Variants in TTLL11 observed in about 807,000 individuals in gnomAD.
The protein encoded by TTLL11 is tubulin tyrosine ligase like 11, also known as tubulin polyglutamylase TTLL11.
A neutral mutation model predicts 51.7 loss-of-function variants in TTLL11; 42 were observed. The ratio of observed to expected loss-of-function variants is 0.81; its 90% confidence interval spans 0.64 to 1.05. The LOEUF is 1.05. TTLL11 is among the 50% of genes least tolerant of loss of function. TTLL11 has a pLI of 0.00. For missense variants in TTLL11, 799 were observed against 940.4 expected (o/e 0.85, Z 1.97); for synonymous variants, 381 against 383.5 (o/e 0.99, Z 0.08).
intron 6 of TTLL11, among the ~76,000 whole-genome samples, chr9:121,968,029 T>C (rs1842454243): frequency 6.6e-6 from 1 of 152,182 alleles, no homozygotes; most frequent in Non-Finnish European, 1.5e-5. Flanking sequence ...GGTTTCCTTT[T>C]GGAGTGGCAA....
intron 1 of TTLL11, among the ~76,000 whole-genome samples, chr9:122,068,556 G>A (rs1845651616): frequency 2.0e-5 from 3 of 152,138 alleles, no homozygotes; most frequent in East Asian, 1.9e-4. Context: ...CTAAGGTGGG[G>A]GTTATTATAC....
intron 6 of TTLL11, among the ~76,000 whole-genome samples, chr9:121,965,572 A>G (rs1049869128): frequency 1.3e-5 from 2 of 152,206 alleles, no homozygotes; most frequent in African/African-American, 4.8e-5. Context: ...GAGCCAAACC[A>G]TATCACCTCA....
At chr9:121,967,656 C>T (rs375199852) in intron 6 of TTLL11, among the ~76,000 whole-genome samples, 198 of 152,306 alleles carry the variant, frequency 1.3e-3, no homozygotes, top group African/African-American at 4.6e-3. Context: ...GATCCCCTCG[C>T]TTCAAAGGAA....
At chr9:121,856,350 G>A (rs764372188) in intron 8 of TTLL11, among the ~76,000 whole-genome samples, 1 of 152,182 alleles carries the variant, frequency 6.6e-6, no homozygotes, top group Non-Finnish European at 1.5e-5. Context: ...TGGGATTACA[G>A]GCATGAGCCA....
intron 8 of TTLL11, among the ~76,000 whole-genome samples, chr9:121,832,381 G>A (rs1402069079): frequency 6.6e-6 from 1 of 152,168 alleles, no homozygotes; most frequent in Non-Finnish European, 1.5e-5. Flanking sequence ...GGAGTTGAAA[G>A]GATCTCTTTG....
rs769372276 is a variant in TTLL11 at position 122,031,864 on chromosome 9, G to T, written c.560-8C>A. On this transcript the variant is annotated splice_region_variant and splice_polypyrimidine_tract_variant and intron_variant, in intron 2 of 8. Transcript: ENST00000321582. Reference sequence around the variant, plus strand: ...GCACCATCTCCGTCATGCCTGGGGAGAAGAGACGCTGTGAGGTTTTAACAA... The same window carrying T: ...GCACCATCTCCGTCATGCCTGGGGATAAGAGACGCTGTGAGGTTTTAACAA... 1 of 1,611,330 alleles carries T rather than the reference G, an allele frequency of 6.2e-7. No individual in the cohort carries two copies. The highest frequency in any genetic ancestry group is 8.5e-7 in the Non-Finnish European group (1 of 1,178,192).
chr9:121,928,618 T>C (rs971461911), intron 6 of TTLL11, among the ~76,000 whole-genome samples: 1 of 152,014 alleles, frequency 6.6e-6, no homozygotes, highest in African/African-American at 2.4e-5. Flanking sequence ...TTTTTTGTAT[T>C]TTAGTAGAGA....
intron 3 of TTLL11, among the ~76,000 whole-genome samples, chr9:121,992,523 T>C (rs1843145449): frequency 1.3e-5 from 2 of 152,214 alleles, no homozygotes; most frequent in African/African-American, 4.8e-5. Flanking sequence ...GAGCACTCTG[T>C]CTGAGAATCA....
In TTLL11 at chr9:121,899,459, A is replaced by C. The variant is rs1470888007; in HGVS notation, c.1482-28711T>G. Among the ~76,000 whole-genome samples, 14 of 150,910 alleles carry C rather than the reference A, an allele frequency of 9.3e-5. No homozygotes were observed. The Admixed American group carries it at 9.3e-4, about 10-fold the overall frequency. On this transcript the variant is annotated intron_variant, in intron 6 of 8. Coordinates refer to ENST00000321582, the MANE Select transcript of TTLL11 (RefSeq NM_001139442.2). ...CAGTCTTTCACCCAAGCTGGAGTGC[A>C]GTGGCACAATTAAAGCTCACTGCGG...
At chr9:121,997,589 G>A (rs1564348734) in intron 3 of TTLL11, among the ~76,000 whole-genome samples, 2 of 152,176 alleles carry the variant, frequency 1.3e-5, no homozygotes, top group Non-Finnish European at 2.9e-5. Flanking sequence ...CGTGGGCTTC[G>A]GAGTCAGGCA....
intron 6 of TTLL11, among the ~76,000 whole-genome samples, chr9:121,936,941 C>T (rs1841252151): frequency 6.6e-6 from 1 of 152,194 alleles, no homozygotes; most frequent in African/African-American, 2.4e-5. Flanking sequence ...ACATGCTAGG[C>T]TGTTTCTCCA....
chr9:121,961,369 T>A (rs1462482760), intron 6 of TTLL11, among the ~76,000 whole-genome samples: 1 of 152,158 alleles, frequency 6.6e-6, no homozygotes, highest in African/African-American at 2.4e-5. Flanking sequence ...ATTAAGAACT[T>A]CTCACTGCTT....
chr9:121,913,623 C>G (rs1258938433), intron 6 of TTLL11, among the ~76,000 whole-genome samples: 2 of 152,218 alleles, frequency 1.3e-5, no homozygotes, highest in African/African-American at 4.8e-5. Context: ...GGCTCAACAT[C>G]TGTCTAGGAC....
chr9:121,948,459 C>G (rs1841745090), intron 6 of TTLL11, among the ~76,000 whole-genome samples: 1 of 152,196 alleles, frequency 6.6e-6, no homozygotes, highest in Non-Finnish European at 1.5e-5. Flanking sequence ...AGCTACTGTT[C>G]ATCAAGTAAT....
At chr9:121,861,324 G>A (rs912452552) in intron 7 of TTLL11, among the ~76,000 whole-genome samples, 6 of 152,128 alleles carry the variant, frequency 3.9e-5, no homozygotes, top group Non-Finnish European at 7.4e-5. Context: ...TGATCCGCCC[G>A]CCTCGGCCTC....
rs1212880428 is a variant in TTLL11 at position 121,844,840 on chromosome 9, T to A, written c.1840+15497A>T. Among the ~76,000 whole-genome samples, 4 of 136,066 alleles carry A rather than the reference T, an allele frequency of 2.9e-5. No homozygotes were observed. In the East Asian group the frequency reaches 8.9e-4, roughly 30 times the overall value. 89.3% of individuals were successfully genotyped at this position (136,066 alleles called of 152,430 possible). On this transcript the variant is annotated intron_variant, in intron 8 of 8. Coordinates refer to ENST00000321582, the MANE Select transcript of TTLL11 (RefSeq NM_001139442.2). ...GAAACAATGAATTAAAGAAAAAAAA[T>A]ACTGAAAAAAAGGAGACTATCCAGG... is the stretch of plus-strand genomic sequence containing the variant.
At chr9:121,957,800 A>G (rs934949123) in intron 6 of TTLL11, among the ~76,000 whole-genome samples, 4 of 152,182 alleles carry the variant, frequency 2.6e-5, no homozygotes, top group African/African-American at 9.6e-5. Context: ...GGCCAGGAAC[A>G]GCCAGTTGGG....
intron 8 of TTLL11, among the ~76,000 whole-genome samples, chr9:121,848,602 C>A (rs1045488766): frequency 6.6e-6 from 1 of 152,024 alleles, no homozygotes; most frequent in Non-Finnish European, 1.5e-5. Context: ...AATATATTAG[C>A]AATGAACAAA....
At chr9:121,958,387 C>T (rs1842089528) in intron 6 of TTLL11, among the ~76,000 whole-genome samples, 3 of 152,180 alleles carry the variant, frequency 2.0e-5, no homozygotes, top group African/African-American at 7.2e-5. Context: ...AGACTTCACC[C>T]CCTTTCCCAT....
Sources: gnomAD v4.1 joint callset for allele counts (sites outside exome capture counted in the v4.1 genomes callset) on GRCh38, gnomAD v4.1.1 for gene constraint, MANE v1.5 for transcripts, NCBI Gene and HGNC (gene_info 2026-07-23, HGNC 2026-07-21) for gene names.